The following MYH15 variants were observed in gnomAD, a reference collection of about 807,000 sequenced individuals.
The protein encoded by MYH15 is myosin-15.
A neutral mutation model predicts 240.5 loss-of-function variants in MYH15; 227 were observed. The ratio of observed to expected loss-of-function variants is 0.94; its 90% CI spans 0.85 to 1.05. The LOEUF (loss-of-function observed/expected upper bound fraction) is 1.05, where lower values mean the gene tolerates loss of function less well. Among genes scored for constraint, MYH15 ranks in the 50% least tolerant of loss-of-function variants. The pLI, the probability that MYH15 is intolerant of heterozygous loss-of-function variation, is 0.00. For missense variants in MYH15, 2,217 were observed against 2,247.5 expected (o/e 0.99, Z 0.27); for synonymous variants, 785 against 796.7 (o/e 0.99, Z 0.25).
the MYH15 span, among the ~76,000 whole-genome samples, chr3:108,540,388 T>A: frequency 1.5e-3 from 221 of 152,288 alleles, no homozygotes; most frequent in African/African-American, 4.9e-3. Flanking sequence ...TGAGCCTGGC[T>A]CTGGGAGGAA....
intron 1 of MYH15, among the ~76,000 whole-genome samples, chr3:108,520,281 A>G (rs1576281049): frequency 6.6e-6 from 1 of 152,340 alleles, no homozygotes; most frequent in African/African-American, 2.4e-5. Context: ...TTTTTCTTAA[A>G]ATATTTTGTT....
At chr3:108,495,909 T>C in intron 6 of MYH15, 37 bp from the exon 7 acceptor site, 1 of 1,496,526 alleles carries the variant, frequency 6.7e-7, no homozygotes, top group Non-Finnish European at 9.1e-7. Flanking sequence ...CTGATGAAAC[T>C]ATTAGTAGAA....
intron 22 of MYH15, among the ~76,000 whole-genome samples, chr3:108,442,117 C>T (rs1413123112): frequency 1.3e-5 from 2 of 152,168 alleles, no homozygotes; most frequent in African/African-American, 4.8e-5. Context: ...ACTTTACATA[C>T]ATTTTCACCT....
intron 10 of MYH15, among the ~76,000 whole-genome samples, chr3:108,486,176 T>C (rs1310152900): frequency 6.6e-6 from 1 of 152,210 alleles, no homozygotes; most frequent in Non-Finnish European, 1.5e-5. Flanking sequence ...TGTAAAGATA[T>C]ACACCAAATA....
intron 6 of MYH15, 30 bp downstream of exon 6, chr3:108,498,022 T>C: frequency 1.3e-6 from 2 of 1,599,028 alleles, no homozygotes; most frequent in Non-Finnish European, 1.7e-6. Context: ...GGCCACCTCA[T>C]CTTTTCTACC....
chr3:108,468,167 T>C (rs141431229), intron 14 of MYH15, among the ~76,000 whole-genome samples: 2,195 of 152,252 alleles, frequency 0.014, 49 homozygotes, highest in African/African-American at 0.05. Context: ...GGTTTCACCA[T>C]GTTAGCCAGG....
intron 28 of MYH15, among the ~76,000 whole-genome samples, chr3:108,417,861 C>A (rs2082647521): frequency 6.6e-6 from 1 of 151,322 alleles, no homozygotes; most frequent in Admixed American, 6.6e-5. Flanking sequence ...ATATACACAC[C>A]TATATGTACA....
At chr3:108,491,555 C>G (rs1027896574) in intron 9 of MYH15, among the ~76,000 whole-genome samples, 1 of 152,082 alleles carries the variant, frequency 6.6e-6, no homozygotes, top group African/African-American at 2.4e-5. Flanking sequence ...TTCTCAGACA[C>G]TCTCTTAGAT....
chr3:108,522,015 A>G (rs1363591974), intron 1 of MYH15, among the ~76,000 whole-genome samples: 1 of 152,180 alleles, frequency 6.6e-6, no homozygotes, highest in African/African-American at 2.4e-5. Context: ...TCAGTTGTGG[A>G]AGAAACTAAC....
intron 27 of MYH15, among the ~76,000 whole-genome samples, chr3:108,428,210 T>A (rs1239546527): frequency 6.6e-6 from 1 of 152,116 alleles, no homozygotes; most frequent in Non-Finnish European, 1.5e-5. Context: ...GATTTCCAGC[T>A]CACTTACTTG....
In MYH15 at chr3:108,454,088, GTC is replaced by G. The variant is rs1316519875; in HGVS notation, c.2315_2316del (p.Arg772ThrfsTer3). On this transcript the variant is annotated frameshift_variant, in exon 21 of 41. Transcript: ENST00000693548. LOFTEE classifies it high-confidence loss of function. Reference sequence around the variant, plus strand: ...TGGAACAATGTGAAGACTTTAGATAGTCTCTCATCTCTTATTGCTTCCAGTTG... The same window carrying G: ...TGGAACAATGTGAAGACTTTAGATAGTCTCATCTCTTATTGCTTCCAGTTG... Reference protein sequence around the residue: ...LGQLEAIRDERLSKVFTLFQA... With the variant: ...LGQLEAIRDEXLSKVFTLFQA... 6 of 1,612,530 alleles carry G rather than the reference GTC, an allele frequency of 3.7e-6. No homozygotes were observed. In the African/African-American group the frequency reaches 8.0e-5, roughly 22 times the overall value.
chr3:108,395,663 G>A (rs1412193452), intron 35 of MYH15, among the ~76,000 whole-genome samples: 14 of 146,912 alleles, frequency 9.5e-5, no homozygotes, highest in African/African-American at 3.5e-4. Context: ...GAGAAAGGGA[G>A]TTAGGAAGTG....
chr3:108,532,899 T>G (rs2083721174), upstream of MYH15, among the ~76,000 whole-genome samples: 2 of 152,202 alleles, frequency 1.3e-5, no homozygotes, highest in South Asian at 4.1e-4. Flanking sequence ...TATTGGCTAC[T>G]GAGCGTGTAG....
chr3:108,445,994 G>C (rs1157494483), intron 21 of MYH15, among the ~76,000 whole-genome samples: 1 of 152,076 alleles, frequency 6.6e-6, no homozygotes, highest in Non-Finnish European at 1.5e-5. Context: ...CCAGACTCCA[G>C]GATGACCCTT....
At chr3:108,457,414 T>C (rs909551879) in intron 18 of MYH15, among the ~76,000 whole-genome samples, 19 of 152,208 alleles carry the variant, frequency 1.2e-4, no homozygotes, top group Admixed American at 5.2e-4. Context: ...CTTATTTTCA[T>C]GAGAGTGCCT....
At chr3:108,531,245 G>A (rs1449653404), upstream of MYH15, among the ~76,000 whole-genome samples, 1 of 152,192 alleles carries the variant, frequency 6.6e-6, no homozygotes, top group African/African-American at 2.4e-5. Context: ...TAAAATTAAT[G>A]TGTATGATAA....
chr3:108,383,087 G>A (rs904293014), intron 40 of MYH15, among the ~76,000 whole-genome samples: 1 of 151,952 alleles, frequency 6.6e-6, no homozygotes, highest in Non-Finnish European at 1.5e-5. Flanking sequence ...CTGTGTTTTT[G>A]GGCAGAATCA....
At chr3:108,504,797 A>T (rs558345534) in intron 2 of MYH15, among the ~76,000 whole-genome samples, 1 of 152,296 alleles carries the variant, frequency 6.6e-6, no homozygotes, top group Non-Finnish European at 1.5e-5. Flanking sequence ...TGCTGCTCTG[A>T]ATGCCTTGGT....
At chr3:108,539,911 C>T in the MYH15 span, among the ~76,000 whole-genome samples, 1 of 152,074 alleles carries the variant, frequency 6.6e-6, no homozygotes, top group African/African-American at 2.4e-5. Context: ...ACATTTTATA[C>T]AGGAGCATAA....
Sources: allele counts gnomAD v4.1 joint callset (sites outside exome capture counted in the v4.1 genomes callset), GRCh38; gene constraint gnomAD v4.1.1; transcripts MANE v1.5; gene names NCBI Gene and HGNC (gene_info 2026-07-23, HGNC 2026-07-21).